The following SAXO1 variants were observed in gnomAD, a reference collection of about 807,000 sequenced individuals.
The protein encoded by SAXO1 is stabilizer of axonemal microtubules 1.
SAXO1 carries 21 observed loss-of-function variants against 17.5 expected under a neutral mutation model. The ratio of observed to expected loss-of-function variants is 1.20; its 90% CI spans 0.85 to 1.72. The LOEUF (loss-of-function observed/expected upper bound fraction) is 1.72. Ranked by LOEUF, SAXO1 falls within the 40% of genes most tolerant of loss-of-function variation. SAXO1 has a pLI of 0.00. For missense variants in SAXO1, 843 were observed against 596.0 expected (o/e 1.41, Z -4.32); for synonymous variants, 274 against 216.5 (o/e 1.27, Z -2.33).
chr9:18,970,925 T>A (rs1832919745), intron 1 of SAXO1, among the ~76,000 whole-genome samples: 2 of 152,076 alleles, frequency 1.3e-5, no homozygotes, highest in African/African-American at 4.8e-5. Context: ...CCGTGTCAGG[T>A]TTTCAGTGCC....
chr9:18,976,905 C>T (rs1007812220), intron 1 of SAXO1, among the ~76,000 whole-genome samples: 1 of 152,192 alleles, frequency 6.6e-6, no homozygotes, highest in South Asian at 2.1e-4. Context: ...TCATCAGGAA[C>T]GACCCCACAA....
At chr9:18,997,617 C>A (rs1391996722) in intron 1 of SAXO1, among the ~76,000 whole-genome samples, 1 of 152,222 alleles carries the variant, frequency 6.6e-6, no homozygotes, top group African/African-American at 2.4e-5. Flanking sequence ...CAGTGGTTCT[C>A]CCAGCATGGC....
At chr9:19,017,892 G>T (rs1835053880) in intron 1 of SAXO1, among the ~76,000 whole-genome samples, 1 of 152,210 alleles carries the variant, frequency 6.6e-6, no homozygotes, top group Non-Finnish European at 1.5e-5. Flanking sequence ...AACTGGCTGT[G>T]CACAGTGGCT....
At chr9:19,037,492 G>A (rs754741524), upstream of SAXO1, among the ~76,000 whole-genome samples, 20 of 152,256 alleles carry the variant, frequency 1.3e-4, no homozygotes, top group Non-Finnish European at 2.4e-4. Flanking sequence ...CTGTTCTCAT[G>A]GTAGTAAGTC....
chr9:19,043,467 G>T (rs7025863), intron 1 of SAXO1, among the ~76,000 whole-genome samples: 98,536 of 151,794 alleles, frequency 0.65, 32,103 homozygotes, highest in Non-Finnish European at 0.69. Context: ...TTAGAAAGAA[G>T]GAGTAAGACC....
chr9:19,015,519 T>A (rs1280903577), intron 1 of SAXO1, among the ~76,000 whole-genome samples: 1 of 152,072 alleles, frequency 6.6e-6, no homozygotes, highest in African/African-American at 2.4e-5. Flanking sequence ...AATTTTTGTA[T>A]ATTTAGTAGA....
chr9:19,004,582 TG>T (rs1834414710), intron 1 of SAXO1, among the ~76,000 whole-genome samples: 1 of 152,318 alleles, frequency 6.6e-6, no homozygotes, highest in East Asian at 1.9e-4. Context: ...TGGATGAAGC[TG>T]GAAACCATCA....
At chr9:19,036,953 G>C (rs1835957056), upstream of SAXO1, among the ~76,000 whole-genome samples, 2 of 152,174 alleles carry the variant, frequency 1.3e-5, no homozygotes, top group South Asian at 4.1e-4. Context: ...AAAGCCACAG[G>C]GGAGGAGCTG....
At chr9:19,011,980 G>T (rs1318204279) in intron 1 of SAXO1, among the ~76,000 whole-genome samples, 1 of 151,804 alleles carries the variant, frequency 6.6e-6, no homozygotes, top group Non-Finnish European at 1.5e-5. Context: ...CAAGTAGCTG[G>T]GACTACAGGC....
In SAXO1 at chr9:19,026,774, T is replaced by C. The variant is rs940094799; in HGVS notation, c.38+6097A>G. 6.5e-6 allele frequency: 3 copies of C among 459,690 alleles called. No individual in the cohort carries two copies. In the East Asian group the frequency reaches 1.6e-4, roughly 24 times the overall value. The allele number at this position is 459,690 out of a possible 1,614,324, so 28.5% of individuals were successfully genotyped here. A position where few individuals can be genotyped will look rare whatever the true frequency, so the allele number is the denominator to read the frequency against. The stretch of plus-strand genomic sequence containing the variant: ...GGCCGGGCGTGGTAGCTCACACCTG[T>C]AGTCTGAGCACTTTGGGAGGCTGAG... On this transcript the variant is annotated intron_variant, in intron 1 of 3. Transcript: ENST00000380534.
At chr9:18,973,919 T>G (rs1308607818) in intron 1 of SAXO1, among the ~76,000 whole-genome samples, 2 of 152,242 alleles carry the variant, frequency 1.3e-5, no homozygotes, top group Non-Finnish European at 1.5e-5. Context: ...TGTCATGTAC[T>G]ATGTTGGGTA....
In SAXO1 at chr9:18,995,891, C is replaced by A. The variant is rs1833980855; in HGVS notation, c.38+36980G>T. ...GGTCAGGAGTTTGAGACCAGCCTGG[C>A]CAACGTGGTGAAACCCCATCTTACC... On this transcript the variant is annotated intron_variant, in intron 1 of 3. Transcript: ENST00000380534. Among the ~76,000 whole-genome samples the A allele has an allele frequency of 2.0e-5, 3 of 152,070 alleles. No homozygotes were observed. The South Asian group carries it at 6.2e-4, about 32-fold the overall frequency.
chr9:18,970,389 T>C (rs1468338640), intron 1 of SAXO1, among the ~76,000 whole-genome samples: 3 of 152,190 alleles, frequency 2.0e-5, no homozygotes, highest in African/African-American at 7.2e-5. Context: ...GCCCCTTTCT[T>C]GGGGATGCTC....
At position 18,950,893 on chromosome 9, in the gene SAXO1, G is replaced by C. The variant is rs1257795536; in HGVS notation, c.83C>G (p.Thr28Arg). 18 of 1,613,404 alleles carry C rather than the reference G, an allele frequency of 1.1e-5. No homozygotes were observed. Among genetic ancestry groups the C allele is most frequent in the African/African-American group, 2.7e-5 (2 of 74,884 alleles). ...TTCGGAGAGAAGACATGGTTTCTCT[G>C]TTTTATCATAAATCTTGGTAGGGAG... ...PHLPTKIYDK[T>R]EKPCLLSEYT... Residue 28 changes from threonine to arginine, a missense_variant, in exon 2 of 4, where the codon ACA becomes AGA. By Grantham distance (71) the Thr-to-Arg change is moderately conservative. Coordinates refer to ENST00000380534, the MANE Select transcript of SAXO1 (RefSeq NM_153707.4).
At chr9:19,013,892 G>C (rs10757020) in intron 1 of SAXO1, among the ~76,000 whole-genome samples, 76,878 of 151,982 alleles carry the variant, frequency 0.51, 20,778 homozygotes, top group Non-Finnish European at 0.61. Flanking sequence ...CAGCCAATAT[G>C]CACTTTTTAG....
intron 1 of SAXO1, among the ~76,000 whole-genome samples, chr9:19,007,156 G>A (rs1834516397): frequency 1.3e-5 from 2 of 151,846 alleles, no homozygotes; most frequent in African/African-American, 4.8e-5. Context: ...AGACCATCCT[G>A]GCCAACATGG....
chr9:18,968,598 GT>G (rs34092832), intron 1 of SAXO1, among the ~76,000 whole-genome samples: 86,497 of 143,944 alleles, frequency 0.6, 27,556 homozygotes, highest in Non-Finnish European at 0.74. Flanking sequence ...CCCCCTTTTT[GT>G]TTTTTTTTTT....
chr9:19,018,782 G>C (rs191675731), intron 1 of SAXO1, among the ~76,000 whole-genome samples: 1 of 152,176 alleles, frequency 6.6e-6, no homozygotes, highest in African/African-American at 2.4e-5. Flanking sequence ...TGAAGTCTGG[G>C]TATGTGCTTT....
At chr9:18,934,991 A>ATCTCAGC (rs1343235827) in intron 3 of SAXO1, among the ~76,000 whole-genome samples, 2 of 152,082 alleles carry the variant, frequency 1.3e-5, no homozygotes, top group African/African-American at 4.8e-5. Flanking sequence ...CAGTGGCACG[A>ATCTCAGC]TCTCAGCTCA....
Sources: gnomAD v4.1 joint callset for allele counts (sites outside exome capture counted in the v4.1 genomes callset) on GRCh38, gnomAD v4.1.1 for gene constraint, MANE v1.5 for transcripts, NCBI Gene and HGNC (gene_info 2026-07-23, HGNC 2026-07-21) for gene names.